The following C19orf18 variants were observed in gnomAD, a reference collection of about 807,000 sequenced individuals.
The protein encoded by C19orf18 is uncharacterized protein C19orf18.
In C19orf18, 21 loss-of-function variants were observed where a neutral mutation model predicts 23.3. The ratio of observed to expected loss-of-function variants is 0.90; its 90% CI spans 0.64 to 1.30. The LOEUF (loss-of-function observed/expected upper bound fraction) is 1.30, where lower values mean the gene tolerates loss of function less well. Ranked by LOEUF, C19orf18 falls within the 50% of genes most tolerant of loss-of-function variation. The pLI is 0.00. For missense variants in C19orf18, 249 were observed against 259.6 expected, an observed-to-expected ratio of 0.96 and a Z score of 0.28; for synonymous variants, 96 against 95.2, an observed-to-expected ratio of 1.01 and a Z score of -0.05.
rs1199394578 is a variant in C19orf18, at chr19:57,974,112, G to C, written c.213C>G (p.Ala71=). The change falls in exon 2 of 6, where the codon GCC becomes GCG. Residue 71 remains alanine (A), a synonymous_variant. Transcript: ENST00000314391. ...KTQLPGIQGA[A]SRSTAASPTN... ...TCAATGACTCACCCGTGGATCTCGAGGCAGCCCCTTGAATCCCAGGCAACT... is the reference window on the plus strand; with the variant it reads ...TCAATGACTCACCCGTGGATCTCGACGCAGCCCCTTGAATCCCAGGCAACT... The C allele has an allele frequency of 3.1e-6, 5 of 1,614,034 alleles. No individual in the cohort carries two copies. Among genetic ancestry groups the C allele is most frequent in the Non-Finnish European group, 4.2e-6 (5 of 1,179,934 alleles).
At chr19:57,973,937 A>T (rs1568569467) in intron 2 of C19orf18, among the ~76,000 whole-genome samples, 162 bp downstream of exon 2, 1 of 152,172 alleles carries the variant, frequency 6.6e-6, no homozygotes. Flanking sequence ...GTTAACAGAG[A>T]GTGAAGAGCA....
chr19:57,970,128 G>A (rs1486391964), intron 3 of C19orf18, among the ~76,000 whole-genome samples: 1 of 152,146 alleles, frequency 6.6e-6, no homozygotes, highest in Non-Finnish European at 1.5e-5. Context: ...TTGGAACTTT[G>A]AACTACTCTG....
At chr19:57,964,931 T>A (rs1247004611) in intron 4 of C19orf18, among the ~76,000 whole-genome samples, 1 of 152,026 alleles carries the variant, frequency 6.6e-6, no homozygotes, top group East Asian at 1.9e-4. Context: ...TACCGTGAAT[T>A]TCAAAATGAT....
Position 57,961,558 on chromosome 19 carries a change from A to G in C19orf18, c.372-7T>C, listed in dbSNP as rs1321679168. 2 of 1,599,194 alleles carry G rather than the reference A, an allele frequency of 1.3e-6. No individual in the cohort carries two copies. The highest frequency in any genetic ancestry group is 2.8e-5 in the African/African-American group (2 of 71,528). ...CTCAGCCTGTGCCAGTCGACTGGAG[A>G]ATGATATAAATGAATTTAGAAGCAC... is the stretch of plus-strand genomic sequence containing the variant. On this transcript the variant is annotated splice_region_variant and splice_polypyrimidine_tract_variant and intron_variant, in intron 4 of 5. Coordinates refer to ENST00000314391, the MANE Select transcript of C19orf18 (RefSeq NM_152474.5).
Position 57,958,488 on chromosome 19 carries a change from C to T in C19orf18, c.*114G>A. The T allele has an allele frequency of 1.5e-6, 1 of 662,294 alleles. No homozygotes were observed. The highest frequency in any genetic ancestry group is 2.6e-6 in the Non-Finnish European group (1 of 389,952). The allele number at this position is 662,294 out of a possible 1,614,324, so 41.0% of individuals were successfully genotyped here. A position where few individuals can be genotyped will look rare whatever the true frequency, so the allele number is the denominator to read the frequency against. On this transcript the variant is annotated 3_prime_UTR_variant, in exon 6 of 6. Coordinates refer to ENST00000314391, the MANE Select transcript of C19orf18 (RefSeq NM_152474.5). ...TGGGATACAGGTCTGGCATTTCTTTCTTTGATGTCCTCTTCCATAAGGTTC... is the reference window on the plus strand; with the variant it reads ...TGGGATACAGGTCTGGCATTTCTTTTTTTGATGTCCTCTTCCATAAGGTTC...
At position 57,958,559 on chromosome 19, in the gene C19orf18, A is replaced by T. The variant is rs1255334277; in HGVS notation, c.*43T>A. 7.4e-7 allele frequency: 1 copy of T among 1,348,258 alleles called. No homozygotes were observed. Among genetic ancestry groups the T allele is most frequent in the African/African-American group, 1.5e-5 (1 of 68,150 alleles). 83.5% of individuals were successfully genotyped at this position (1,348,258 alleles called of 1,614,324 possible). A position where few individuals can be genotyped will look rare whatever the true frequency, so the allele number is the denominator to read the frequency against. On this transcript the variant is annotated 3_prime_UTR_variant, in exon 6 of 6. Transcript: ENST00000314391. ...ACAGGCTCAGTCTCCCAGCACCCCC[A>T]TAGTTTCTCCTCTGCCTCAGCCGGC...
intron 3 of C19orf18, among the ~76,000 whole-genome samples, chr19:57,970,696 C>T (rs918021070): frequency 7.8e-6 from 1 of 128,272 alleles, no homozygotes; most frequent in African/African-American, 3.2e-5. Flanking sequence ...CTCAGCCTCC[C>T]GAGTAGCTGG....
intron 2 of C19orf18, among the ~76,000 whole-genome samples, chr19:57,973,229 G>A (rs1277805991): frequency 1.4e-5 from 2 of 140,504 alleles, no homozygotes; most frequent in African/African-American, 5.2e-5. Context: ...CAACAATAGT[G>A]TCCTTTCCTC....
intron 4 of C19orf18, among the ~76,000 whole-genome samples, chr19:57,966,329 T>G (rs571170799): frequency 4.8e-4 from 73 of 152,138 alleles, no homozygotes; most frequent in Non-Finnish European, 8.8e-4. Flanking sequence ...TCCTGTGTCT[T>G]TCTTTCTTTT....
chr19:57,960,628 C>T (rs984670593), intron 5 of C19orf18, among the ~76,000 whole-genome samples: 4 of 151,938 alleles, frequency 2.6e-5, no homozygotes, highest in Non-Finnish European at 4.4e-5. Flanking sequence ...GAAACATCTG[C>T]GTGTCTGTGT....
chr19:57,970,969 C>G (rs1414603999), intron 3 of C19orf18, among the ~76,000 whole-genome samples: 1 of 152,124 alleles, frequency 6.6e-6, no homozygotes, highest in African/African-American at 2.4e-5. Context: ...AGCACCAGCA[C>G]ACAAAACGAG....
intron 5 of C19orf18, among the ~76,000 whole-genome samples, chr19:57,959,842 G>A (rs1450760970): frequency 6.6e-6 from 1 of 150,470 alleles, no homozygotes; most frequent in Non-Finnish European, 1.5e-5. Flanking sequence ...AGGAGCGGTG[G>A]CTCACACCTG....
At chr19:57,964,797 T>C (rs950712631) in intron 4 of C19orf18, among the ~76,000 whole-genome samples, 2 of 152,222 alleles carry the variant, frequency 1.3e-5, no homozygotes, top group South Asian at 2.1e-4. Flanking sequence ...GCAAGCAATT[T>C]TGTACTTCTC....
intron 3 of C19orf18, 142 bp downstream of exon 3, chr19:57,972,321 G>T: frequency 1.0e-6 from 1 of 976,422 alleles, no homozygotes; most frequent in African/African-American, 1.6e-5. Context: ...TCCCCCTCCA[G>T]AGGGGGCACC....
intron 5 of C19orf18, among the ~76,000 whole-genome samples, chr19:57,959,087 G>A (rs748858254): frequency 3.9e-5 from 6 of 152,152 alleles, no homozygotes; most frequent in Admixed American, 6.6e-5. Flanking sequence ...GCTATGTCTG[G>A]AGTTTTTAGA....
At chr19:57,965,202 TC>T (rs1457039511) in intron 4 of C19orf18, among the ~76,000 whole-genome samples, 1 of 152,128 alleles carries the variant, frequency 6.6e-6, no homozygotes, top group Non-Finnish European at 1.5e-5. Flanking sequence ...TGGCGTGATC[TC>T]TGCCCACTGC....
intron 4 of C19orf18, among the ~76,000 whole-genome samples, chr19:57,965,058 G>A (rs1007183255): frequency 2.6e-5 from 4 of 152,108 alleles, no homozygotes; most frequent in African/African-American, 9.7e-5. Flanking sequence ...AAGGGAGAGT[G>A]GTCGCTCTTT....
chr19:57,959,584 C>A (rs1016081616), intron 5 of C19orf18, among the ~76,000 whole-genome samples: 1 of 151,662 alleles, frequency 6.6e-6, no homozygotes, highest in Non-Finnish European at 1.5e-5. Context: ...AAGATCACAC[C>A]ACTGCACTCC....
chr19:57,974,425 T>G lies in C19orf18; in HGVS notation c.8A>C (p.Lys3Thr). 1 of 1,613,898 alleles carries G rather than the reference T, an allele frequency of 6.2e-7. No individual in the cohort carries two copies. Among genetic ancestry groups the G allele is most frequent in the South Asian group, 1.1e-5 (1 of 91,076 alleles). Residue 3 changes from lysine (K) to threonine (T), a missense_variant, in exon 1 of 6, where the codon AAG becomes ACG. Coordinates refer to ENST00000314391, the MANE Select transcript of C19orf18 (RefSeq NM_152474.5). ...CAAAATGAGGAAACCACTCTGAACC[T>G]TGTCCATCACTCTCAAATTATCAGT... MD[K>T]VQSGFLILFL...
Sources: gnomAD v4.1 joint callset for allele counts (sites outside exome capture counted in the v4.1 genomes callset) on GRCh38, gnomAD v4.1.1 for gene constraint, MANE v1.5 for transcripts, NCBI Gene and HGNC (gene_info 2026-07-23, HGNC 2026-07-21) for gene names.